The following VWF variants were observed in gnomAD, a reference collection of about 807,000 sequenced individuals.
The protein encoded by VWF is von Willebrand factor, also known as Factor VIII related antigen.
A neutral mutation model predicts 308.6 loss-of-function variants in VWF; 176 were observed. The ratio of observed to expected loss-of-function variants is 0.57; its 90% CI spans 0.50 to 0.65. The LOEUF (loss-of-function observed/expected upper bound fraction) is 0.65, where lower values mean the gene tolerates loss of function less well. Ranked by LOEUF, VWF falls within the 30% of genes least tolerant of loss-of-function variation. The probability of loss-of-function intolerance (pLI) is 0.00; values close to 1 mark genes in which losing one functional copy is unlikely to be tolerated. For missense variants in VWF, 3,146 were observed against 3,648.2 expected (o/e 0.86, Z 3.55); for synonymous variants, 1,385 against 1,443.4 (o/e 0.96, Z 0.92).
At chr12:5,993,633 ATG>A (rs141921218) in intron 37 of VWF, among the ~76,000 whole-genome samples, 36,205 of 142,836 alleles carry the variant, frequency 0.25, 5,062 homozygotes, top group East Asian at 0.37. Context: ...ATACATATAT[ATG>A]TGTGTGTGTG....
At chr12:6,027,873 C>CACAT (rs1555195655) in intron 22 of VWF, among the ~76,000 whole-genome samples, 1 of 150,590 alleles carries the variant, frequency 6.6e-6, no homozygotes, top group Admixed American at 6.6e-5. Flanking sequence ...CACACACACA[C>CACAT]ACACACACAC....
At chr12:5,951,260 C>A (rs1943186798) in intron 50 of VWF, among the ~76,000 whole-genome samples, 1 of 152,052 alleles carries the variant, frequency 6.6e-6, no homozygotes, top group African/African-American at 2.4e-5. Context: ...GCAATGAGAA[C>A]CAATCAGTAG....
intron 44 of VWF, among the ~76,000 whole-genome samples, chr12:5,969,849 C>T (rs969802586): frequency 1.3e-5 from 2 of 152,152 alleles, no homozygotes; most frequent in African/African-American, 4.8e-5. Context: ...AATCTGTCCA[C>T]GAAGACTGCA....
At chr12:5,992,141 C>A in intron 37 of VWF, 123 bp from the exon 38 acceptor site, 1 of 867,656 alleles carries the variant, frequency 1.2e-6, no homozygotes. Flanking sequence ...TATTTTCCAC[C>A]AATCTTCATC....
intron 22 of VWF, among the ~76,000 whole-genome samples, chr12:6,027,845 CACAT>C (rs1165260928): frequency 1.3e-5 from 1 of 77,292 alleles, no homozygotes; most frequent in Non-Finnish European, 2.5e-5. Context: ...ACATGGAAGA[CACAT>C]ACACACACAC....
chr12:6,081,083 C>T (rs1026300521), intron 6 of VWF, among the ~76,000 whole-genome samples: 6 of 152,184 alleles, frequency 3.9e-5, no homozygotes, highest in African/African-American at 7.2e-5. Flanking sequence ...ACAGATTCTC[C>T]GCCCATCCTC....
intron 38 of VWF, among the ~76,000 whole-genome samples, chr12:5,989,288 A>G (rs1434938170): frequency 6.6e-6 from 1 of 152,210 alleles, no homozygotes; most frequent in African/African-American, 2.4e-5. Context: ...TGCTCTTCTG[A>G]AATTACTACA....
intron 20 of VWF, 132 bp downstream of exon 20, chr12:6,034,556 G>A (rs1428536884): frequency 7.2e-7 from 1 of 1,388,050 alleles, no homozygotes; most frequent in East Asian, 2.4e-5. Context: ...GTGAAGGACT[G>A]GGAAGTACTC....
rs114145748 is a variant in VWF at position 6,117,903 on chromosome 12, G to A, written c.220+3271C>T. On this transcript the variant is annotated intron_variant, in intron 3 of 51. Coordinates refer to ENST00000261405, the MANE Select transcript of VWF (RefSeq NM_000552.5). ...GAAGAGGGAGAGCAGAGGAGAACAC[G>A]GGTTTTCCGACTGCAACTCTGGCTC... Among the ~76,000 whole-genome samples the A allele has an allele frequency of 1.4e-3, 220 of 152,326 alleles. 3 individuals carry two copies. The highest frequency in any genetic ancestry group is 6.8e-3 in the Middle Eastern group (2 of 294).
intron 3 of VWF, among the ~76,000 whole-genome samples, chr12:6,112,809 C>A (rs942860342): frequency 1.4e-5 from 2 of 147,536 alleles, no homozygotes; most frequent in Non-Finnish European, 2.9e-5. Context: ...GGAGGACAAC[C>A]ACACACACAG....
chr12:6,116,431 T>C (rs1006277244), intron 3 of VWF, among the ~76,000 whole-genome samples: 2 of 152,214 alleles, frequency 1.3e-5, no homozygotes, highest in Non-Finnish European at 2.9e-5. Flanking sequence ...GCATTTCCAC[T>C]AAACACTCTA....
intron 15 of VWF, among the ~76,000 whole-genome samples, chr12:6,054,569 C>G (rs1315366563): frequency 6.6e-6 from 1 of 152,224 alleles, no homozygotes; most frequent in African/African-American, 2.4e-5. Flanking sequence ...TCTTGTGTAT[C>G]CACTGCATGC....
chr12:6,111,434 GT>G (rs1469718251), intron 3 of VWF, among the ~76,000 whole-genome samples: 1 of 152,194 alleles, frequency 6.6e-6, no homozygotes, highest in Non-Finnish European at 1.5e-5. Context: ...GTGCAGTGAT[GT>G]GAACATGGCT....
Position 6,110,429 on chromosome 12 carries a change from G to A in VWF, c.477C>T (p.Cys159=), listed in dbSNP as rs369559140. 3.2e-5 allele frequency: 52 copies of A among 1,614,034 alleles called. No homozygotes were observed. The Middle Eastern group carries it at 4.9e-4, about 15-fold the overall frequency. The part of the protein sequence containing the change: ...LLSDRYFNKT[C]GLCGNFNIFA... The stretch of plus-strand genomic sequence containing the variant: ...AGATGTTAAAGTTGCCACACAGCCC[G>A]CAGGTCTTGTTGAAGTATCTGTCTG... Residue 159 remains cysteine (C), a synonymous_variant, in exon 5 of 52, where the codon TGC becomes TGT. Coordinates refer to ENST00000261405, the MANE Select transcript of VWF (RefSeq NM_000552.5).
At chr12:6,052,460 CA>C (rs1944526174) in intron 16 of VWF, 82 bp downstream of exon 16, 42 of 1,601,586 alleles carry the variant, frequency 2.6e-5, no homozygotes, top group Non-Finnish European at 3.6e-5. Context: ...TTTACCCATC[CA>C]TGAAGTAAAG....
At chr12:6,064,426 C>A (rs757936950) in intron 11 of VWF, 42 bp from the exon 12 acceptor site, 11 of 1,611,858 alleles carry the variant, frequency 6.8e-6, no homozygotes, top group African/African-American at 1.3e-5. Context: ...GCACCCCCTG[C>A]CTATCCAGCT....
intron 34 of VWF, among the ~76,000 whole-genome samples, chr12:6,005,642 T>A (rs1404868094): frequency 6.6e-6 from 1 of 152,092 alleles, no homozygotes; most frequent in Non-Finnish European, 1.5e-5. Flanking sequence ...ACTTTTCATA[T>A]AAAAGGGGGC....
chr12:6,060,440 C>T lies in VWF; in HGVS notation c.1534-2396G>A, dbSNP rs540922544. Among the ~76,000 whole-genome samples the T allele has an allele frequency of 2.6e-5, 4 of 152,224 alleles. No homozygotes were observed. The Middle Eastern group carries it at 0.01, about 388-fold the overall frequency. ...TCTGCCCCAGCTGGCCTCCCTCCAG[C>T]TCTCGCCTCCACACTTCCATCCCCA... On this transcript the variant is annotated intron_variant, in intron 13 of 51. Transcript: ENST00000261405. The surrounding 1 kb of genome is among the most constrained non-coding windows in gnomAD (Gnocchi z 5.1).
intron 37 of VWF, among the ~76,000 whole-genome samples, chr12:5,992,753 A>G (rs1295817814): frequency 1.3e-5 from 2 of 152,218 alleles, no homozygotes; most frequent in Admixed American, 1.3e-4. Flanking sequence ...TCCTCAAGGC[A>G]CCAAGGCAGG....
Sources: allele counts gnomAD v4.1 joint callset (sites outside exome capture counted in the v4.1 genomes callset), GRCh38; gene constraint gnomAD v4.1.1; non-coding constraint Gnocchi (gnomAD v3.1); transcripts MANE v1.5; gene names NCBI Gene and HGNC (gene_info 2026-07-23, HGNC 2026-07-21).